Variants in UBTD1 observed in about 807,000 individuals in gnomAD.
The protein encoded by UBTD1 is ubiquitin domain containing 1, also known as ubiquitin domain-containing protein 1.
Under a neutral mutation model 21.7 loss-of-function variants are expected in UBTD1, and 19 were observed. The observed-to-expected ratio is 0.87, with a 90% CI of 0.61 to 1.28. UBTD1 has a LOEUF of 1.28. UBTD1 is among the 50% of genes most tolerant of loss of function. UBTD1 has a pLI of 0.00. For missense variants in UBTD1, 282 were observed against 315.1 expected (o/e 0.89, Z 0.80); for synonymous variants, 116 against 135.1 (o/e 0.86, Z 0.98).
At chr10:97,545,270 G>A (rs2040603972) in intron 1 of UBTD1, among the ~76,000 whole-genome samples, 3 of 151,978 alleles carry the variant, frequency 2.0e-5, no homozygotes, top group Admixed American at 6.6e-5. Context: ...GAACCCAGGA[G>A]GCAGAGCTTG....
chr10:97,544,823 T>C (rs2040601559), intron 1 of UBTD1, among the ~76,000 whole-genome samples: 1 of 152,070 alleles, frequency 6.6e-6, no homozygotes, highest in Non-Finnish European at 1.5e-5. Context: ...AGACCCTGTC[T>C]CCAAATAATA....
intron 1 of UBTD1, among the ~76,000 whole-genome samples, chr10:97,501,588 G>A (rs749839113): frequency 6.6e-6 from 1 of 151,922 alleles, no homozygotes. Flanking sequence ...GCGAGACTCT[G>A]TCTCAAAAAA....
intron 1 of UBTD1, among the ~76,000 whole-genome samples, chr10:97,565,196 C>CT (rs1378280294): frequency 6.6e-6 from 1 of 152,178 alleles, no homozygotes; most frequent in Non-Finnish European, 1.5e-5. Flanking sequence ...CGGGGTTTGG[C>CT]TTTTTTTGTC....
At chr10:97,557,610 C>G (rs911355685) in intron 1 of UBTD1, among the ~76,000 whole-genome samples, 2 of 152,108 alleles carry the variant, frequency 1.3e-5, no homozygotes, top group African/African-American at 4.8e-5. Context: ...CTATTCTATG[C>G]TGCTTACTAT....
At chr10:97,516,289 T>A (rs1463233377) in intron 1 of UBTD1, among the ~76,000 whole-genome samples, 2 of 152,362 alleles carry the variant, frequency 1.3e-5, no homozygotes, top group East Asian at 1.9e-4. Flanking sequence ...TGCTTTTGTC[T>A]GAGCATCTGC....
intron 1 of UBTD1, among the ~76,000 whole-genome samples, chr10:97,540,094 T>G (rs767444745): frequency 2.0e-5 from 3 of 152,204 alleles, no homozygotes; most frequent in Non-Finnish European, 4.4e-5. Context: ...GGTCATCGCC[T>G]CTCCTCCAGA....
intron 1 of UBTD1, 43 bp from the exon 2 acceptor site, chr10:97,567,871 A>C: frequency 1.2e-6 from 2 of 1,603,686 alleles, no homozygotes; most frequent in South Asian, 1.1e-5. Flanking sequence ...TTGCAGCTCA[A>C]GTGGCTTTAG....
chr10:97,551,471 C>G (rs2040637131), intron 1 of UBTD1, among the ~76,000 whole-genome samples: 1 of 152,234 alleles, frequency 6.6e-6, no homozygotes, highest in Non-Finnish European at 1.5e-5. Flanking sequence ...GCTCTGCTGC[C>G]TCCCCGTGCA....
intron 1 of UBTD1, among the ~76,000 whole-genome samples, chr10:97,530,890 A>C (rs186550135): frequency 7.3e-4 from 110 of 151,608 alleles, no homozygotes; most frequent in Middle Eastern, 6.8e-3. Context: ...TAAATTTTTA[A>C]ATTTTTTACT....
rs957145164 is a variant in UBTD1, at chr10:97,570,328, C to T, written c.489C>T (p.Leu163=). ...VRLSTGKDVR[L]SASLPDTVGQ... is the part of the protein sequence containing the mutation. Reference sequence around the variant, plus strand: ...TGTCCACGGGCAAGGACGTGAGGCTCAGCGCCAGCCTGCCCGACACAGTGG... The same window carrying T: ...TGTCCACGGGCAAGGACGTGAGGCTTAGCGCCAGCCTGCCCGACACAGTGG... Residue 163 remains leucine, a synonymous_variant, in exon 3 of 3, where the codon CTC becomes CTT. Transcript: ENST00000370664. The surrounding 1 kb of genome is among the most constrained non-coding windows in gnomAD (Gnocchi z 6.6). 6.2e-7 allele frequency: 1 copy of T among 1,613,130 alleles called. No homozygotes were observed. Among genetic ancestry groups the T allele is most frequent in the Non-Finnish European group, 8.5e-7 (1 of 1,179,894 alleles).
intron 1 of UBTD1, among the ~76,000 whole-genome samples, chr10:97,533,509 GC>G (rs1165922037): frequency 2.0e-5 from 3 of 152,306 alleles, no homozygotes; most frequent in Non-Finnish European, 4.4e-5. Flanking sequence ...CTCTTGCCTG[GC>G]CTTGGGCTGG....
At chr10:97,555,155 T>A (rs1376564111) in intron 1 of UBTD1, among the ~76,000 whole-genome samples, 1 of 152,122 alleles carries the variant, frequency 6.6e-6, no homozygotes, top group Non-Finnish European at 1.5e-5. Flanking sequence ...TACCCAAGGA[T>A]CCCTGAGGGA....
chr10:97,506,745 A>G (rs2040401220), intron 1 of UBTD1, among the ~76,000 whole-genome samples: 2 of 152,124 alleles, frequency 1.3e-5, no homozygotes, highest in East Asian at 1.9e-4. Flanking sequence ...ACCTCATATG[A>G]GTGGAATCAT....
intron 1 of UBTD1, among the ~76,000 whole-genome samples, chr10:97,516,757 T>C (rs534980447): frequency 1.9e-4 from 29 of 149,612 alleles, no homozygotes; most frequent in African/African-American, 6.1e-4. Flanking sequence ...GGCAACAGAG[T>C]GAGACTCTGT....
chr10:97,570,320 G>A lies in UBTD1; in HGVS notation c.481G>A (p.Val161Met), dbSNP rs546233811. The A allele has an allele frequency of 1.2e-4, 200 of 1,613,188 alleles. No homozygotes were observed. Among genetic ancestry groups the A allele is most frequent in the Middle Eastern group, 3.3e-4 (2 of 6,062 alleles). The part of the protein sequence containing the change: ...LKVRLSTGKD[V>M]RLSASLPDTV... ...GGTGCGCCTGTCCACGGGCAAGGAC[G>A]TGAGGCTCAGCGCCAGCCTGCCCGA... is the stretch of plus-strand genomic sequence containing the variant. The change falls in exon 3 of 3, where the codon GTG becomes ATG. Residue 161 changes from valine (V) to methionine (M), a missense_variant. Transcript: ENST00000370664. The surrounding 1 kb of genome is among the most constrained non-coding windows in gnomAD (Gnocchi z 6.6).
intron 1 of UBTD1, among the ~76,000 whole-genome samples, chr10:97,528,467 G>A (rs1427544577): frequency 1.3e-5 from 1 of 75,748 alleles, no homozygotes; most frequent in African/African-American, 5.2e-5. Flanking sequence ...TTCCCAGTAG[G>A]GGCGGCCGGG....
intron 1 of UBTD1, among the ~76,000 whole-genome samples, chr10:97,522,732 A>G (rs1359525276): frequency 1.3e-5 from 2 of 152,120 alleles, no homozygotes; most frequent in African/African-American, 4.8e-5. Context: ...TTTAGATTGT[A>G]CCTGGCTGGT....
At chr10:97,510,986 C>T (rs571670629) in intron 1 of UBTD1, among the ~76,000 whole-genome samples, 2 of 152,220 alleles carry the variant, frequency 1.3e-5, no homozygotes, top group East Asian at 3.9e-4. Context: ...GGCCCATCTT[C>T]AGCTTGGCAG....
At chr10:97,567,857 C>T in intron 1 of UBTD1, 57 bp from the exon 2 acceptor site, 1 of 1,552,676 alleles carries the variant, frequency 6.4e-7, no homozygotes, top group East Asian at 2.3e-5. Flanking sequence ...AGGGGGAGGG[C>T]AGGTTGCAGC....
Sources: gnomAD v4.1 joint callset for allele counts (sites outside exome capture counted in the v4.1 genomes callset) on GRCh38, gnomAD v4.1.1 for gene constraint, Gnocchi (gnomAD v3.1) non-coding constraint, MANE v1.5 for transcripts, NCBI Gene and HGNC (gene_info 2026-07-23, HGNC 2026-07-21) for gene names.